Variants in COL15A1 observed in about 807,000 individuals in gnomAD.
The protein encoded by COL15A1 is collagen alpha-1(XV) chain.
A neutral mutation model predicts 165.9 loss-of-function variants in COL15A1; 111 were observed. The observed-to-expected ratio is 0.67, with a 90% CI of 0.57 to 0.78. The LOEUF is 0.78. COL15A1 is among the 30% of genes least tolerant of loss of function. COL15A1 has a pLI of 0.00. For missense variants in COL15A1, 1,745 were observed against 1,789.7 expected (o/e 0.98, Z 0.45); for synonymous variants, 659 against 674.8 (o/e 0.98, Z 0.36).
At chr9:99,032,784 C>T (rs1338033927) in intron 16 of COL15A1, among the ~76,000 whole-genome samples, 3 of 152,170 alleles carry the variant, frequency 2.0e-5, no homozygotes, top group Admixed American at 6.5e-5. Context: ...TATTAATTCT[C>T]TCTTTAGGTG....
At chr9:98,955,460 A>G (rs1837760386) in intron 2 of COL15A1, among the ~76,000 whole-genome samples, 1 of 152,218 alleles carries the variant, frequency 6.6e-6, no homozygotes, top group African/African-American at 2.4e-5. Flanking sequence ...GAGCATTTGA[A>G]TAAGTTAATG....
chr9:99,012,799 C>T (rs1029700147), intron 9 of COL15A1, among the ~76,000 whole-genome samples: 1 of 150,048 alleles, frequency 6.7e-6, no homozygotes, highest in Admixed American at 6.7e-5. Flanking sequence ...GCAACCTCCA[C>T]CTCCTGGGTT....
Position 98,985,842 on chromosome 9 carries a change from T to C in COL15A1, c.378T>C (p.Gly126=), listed in dbSNP as rs768418278. The change falls in exon 3 of 42, where the codon GGT becomes GGC. Residue 126 remains glycine (G), a synonymous_variant. Transcript: ENST00000375001. ...TCTACCTGGGCCTGCGGCTCTCAGG[T>C]GTGGAGGACGGCCACCAGCGGATCA... The part of the protein sequence containing the change: ...KVIYLGLRLS[G]VEDGHQRIIL... 4 of 1,613,828 alleles carry C rather than the reference T, an allele frequency of 2.5e-6. No individual in the cohort carries two copies. Among genetic ancestry groups the C allele is most frequent in the South Asian group, 1.1e-5 (1 of 91,076 alleles).
chr9:99,027,439 T>C (rs1020344701), intron 16 of COL15A1, among the ~76,000 whole-genome samples: 2 of 152,202 alleles, frequency 1.3e-5, no homozygotes, highest in African/African-American at 4.8e-5. Flanking sequence ...ATTGTCAAGC[T>C]TTATAGAACT....
In COL15A1 at chr9:98,997,066, A is replaced by C; in HGVS notation, c.937A>C (p.Ser313Arg). The C allele has an allele frequency of 6.2e-7, 1 of 1,614,200 alleles. No homozygotes were observed. Among genetic ancestry groups the C allele is most frequent in the Non-Finnish European group, 8.5e-7 (1 of 1,180,030 alleles). ...CACCAACATGAGCATCATCCAGCAC[A>C]GCAGCCCCAAACAAGGCAAGTCCGG... ...ETTNMSIIQH[S>R]SPKQGSGEIL... Residue 313 changes from serine to arginine, a missense_variant, in exon 6 of 42, where the codon AGC (serine) becomes CGC (arginine). By Grantham distance (110) the Ser-to-Arg change is moderately radical (BLOSUM62 -1). Transcript: ENST00000375001.
chr9:99,054,981 T>C (rs1825693555), intron 32 of COL15A1, 121 bp from the exon 33 acceptor site: 1 of 889,022 alleles, frequency 1.1e-6, no homozygotes, highest in Non-Finnish European at 1.9e-6. Context: ...GCAGACTCTG[T>C]TAGCCAACCC....
rs144598952 is a variant in COL15A1 at position 99,035,022 on chromosome 9, T to C, written c.2088T>C (p.Pro696=). The C allele has an allele frequency of 2.3e-5, 37 of 1,613,170 alleles. No individual in the cohort carries two copies. In the Admixed American group the frequency reaches 4.7e-4, roughly 20 times the overall value. Residue 696 remains proline, a synonymous_variant, in exon 18 of 42, where the codon CCT becomes CCC. Coordinates refer to ENST00000375001, the MANE Select transcript of COL15A1 (RefSeq NM_001855.5). The part of the protein sequence containing the change: ...PNGSVGEKGD[P]GNRGLPGPPG... ...TGCCCTCTTTCCTACAGGGTGACCC[T>C]GGCAACAGAGGCTTACCTGGACCCC...
At chr9:98,990,051 G>C (rs1335529586) in intron 5 of COL15A1, among the ~76,000 whole-genome samples, 2 of 152,254 alleles carry the variant, frequency 1.3e-5, no homozygotes, top group African/African-American at 4.8e-5. Flanking sequence ...AAATCAGGGA[G>C]ATGGAAATTA....
intron 2 of COL15A1, among the ~76,000 whole-genome samples, chr9:98,948,248 C>A (rs1837616476): frequency 6.6e-6 from 1 of 152,204 alleles, no homozygotes; most frequent in East Asian, 1.9e-4. Flanking sequence ...TTCTCATCTA[C>A]CATGCAGAAT....
In COL15A1 at chr9:99,044,057, C is replaced by T. The variant is rs746328737; in HGVS notation, c.2575-511C>T. Among the ~76,000 whole-genome samples the T allele has an allele frequency of 4.6e-5, 7 of 152,140 alleles. No individual in the cohort carries two copies. In the South Asian group the frequency reaches 1.0e-3, roughly 23 times the overall value. On this transcript the variant is annotated intron_variant, in intron 24 of 41. Coordinates refer to ENST00000375001, the MANE Select transcript of COL15A1 (RefSeq NM_001855.5). ...TGACAGAGGCCTCTAGTTTTTATAC[C>T]GTCATCTCTTTCCTAATTTCAGGTG... is the stretch of plus-strand genomic sequence containing the variant.
At position 98,950,449 on chromosome 9, in the gene COL15A1, T is replaced by TCCTTCCCTCCCTC. The variant is rs1837661287; in HGVS notation, c.100+6209_100+6210insCTCCCTTCCCTCC. Among the ~76,000 whole-genome samples the TCCTTCCCTCCCTC allele has an allele frequency of 2.0e-5, 3 of 146,518 alleles. No homozygotes were observed. In the South Asian group the frequency reaches 6.6e-4, roughly 32 times the overall value. On this transcript the variant is annotated intron_variant, in intron 2 of 41. Transcript: ENST00000375001. The stretch of plus-strand genomic sequence containing the variant: ...TCTTTCTTTCTTTTTTCTTTCTCCT[T>TCCTTCCCTCCCTC]CCTTCCCTCCTTCCTTCCCTCCCTC...
At chr9:98,983,360 A>T (rs530379509) in intron 2 of COL15A1, among the ~76,000 whole-genome samples, 1 of 152,234 alleles carries the variant, frequency 6.6e-6, no homozygotes, top group East Asian at 1.9e-4. Context: ...GACTAGGTGG[A>T]GCCCCACCCG....
In COL15A1 at chr9:98,943,965, C is replaced by G. The variant is rs1027853585; in HGVS notation, c.-97C>G. The G allele has an allele frequency of 6.5e-6, 10 of 1,533,408 alleles. No individual in the cohort carries two copies. The highest frequency in any genetic ancestry group is 2.4e-5 in the South Asian group (2 of 84,404). 95.0% of individuals were successfully genotyped at this position (1,533,408 alleles called of 1,614,324 possible). On this transcript the variant is annotated 5_prime_UTR_variant, in exon 1 of 42. Transcript: ENST00000375001. ...CTTTGTTCCCTGCAGGAAGGGCGAGCGCGGCGGCCAGCGCTCAGCGACCCT... is the reference window on the plus strand; with the variant it reads ...CTTTGTTCCCTGCAGGAAGGGCGAGGGCGGCGGCCAGCGCTCAGCGACCCT...
chr9:99,020,524 A>T, intron 12 of COL15A1, 82 bp downstream of exon 12: 1 of 986,988 alleles, frequency 1.0e-6, no homozygotes. Flanking sequence ...GATTTAGCCC[A>T]CTCTGATCAA....
chr9:98,977,688 A>G (rs1838162757), intron 2 of COL15A1, among the ~76,000 whole-genome samples: 1 of 144,246 alleles, frequency 6.9e-6, no homozygotes, highest in Non-Finnish European at 1.5e-5. Flanking sequence ...GCGCCTATCC[A>G]TGTGTCCTGT....
intron 19 of COL15A1, among the ~76,000 whole-genome samples, chr9:99,035,763 C>T (rs1839290306): frequency 6.6e-6 from 1 of 152,162 alleles, no homozygotes. Context: ...ACACACTTTG[C>T]CCCAGGTCAA....
intron 2 of COL15A1, among the ~76,000 whole-genome samples, chr9:98,977,747 G>A (rs1481964595): frequency 6.6e-6 from 1 of 152,222 alleles, no homozygotes; most frequent in Non-Finnish European, 1.5e-5. Context: ...GGTTAGGAAG[G>A]GATCTTTTTT....
At chr9:99,020,056 T>C (rs1274576639) in intron 11 of COL15A1, among the ~76,000 whole-genome samples, 1 of 152,242 alleles carries the variant, frequency 6.6e-6, no homozygotes, top group Non-Finnish European at 1.5e-5. Flanking sequence ...TGGAGAATGT[T>C]GCCCTGGAAA....
chr9:99,056,877 G>A (rs114116793), intron 35 of COL15A1, among the ~76,000 whole-genome samples: 61 of 152,250 alleles, frequency 4.0e-4, no homozygotes, highest in African/African-American at 1.3e-3. Flanking sequence ...GTTGCAGCAC[G>A]GAGTTCATTC....
Sources: gnomAD v4.1 joint callset for allele counts (sites outside exome capture counted in the v4.1 genomes callset) on GRCh38, gnomAD v4.1.1 for gene constraint, MANE v1.5 for transcripts, NCBI Gene and HGNC (gene_info 2026-07-23, HGNC 2026-07-21) for gene names.